Variants in ACOD1 observed in about 807,000 individuals in gnomAD.
The protein encoded by ACOD1 is aconitate decarboxylase 1, also known as cis-aconitate decarboxylase.
ACOD1 carries 14 observed loss-of-function variants against 14.2 expected under a neutral mutation model. The observed-to-expected ratio is 0.99, with a 90% CI of 0.65 to 1.54. The LOEUF (loss-of-function observed/expected upper bound fraction) is 1.54. Among genes scored for constraint, ACOD1 ranks in the 40% most tolerant of loss-of-function variants. The probability of loss-of-function intolerance (pLI) is 0.00; values close to 1 mark genes in which losing one functional copy is unlikely to be tolerated. For missense variants in ACOD1, 530 were observed against 586.3 expected, an observed-to-expected ratio of 0.90 and a Z score of 0.99; for synonymous variants, 182 against 221.7, an observed-to-expected ratio of 0.82 and a Z score of 1.59.
rs140596263 is a variant in ACOD1 at position 76,955,316 on chromosome 13, C to T, written c.265-3C>T. Reference sequence around the variant, plus strand: ...TTGTTGCTGTTTGTGTCTGTTTATACAGATTCACTCCATGGATTTTGATGA... The same window carrying T: ...TTGTTGCTGTTTGTGTCTGTTTATATAGATTCACTCCATGGATTTTGATGA... On this transcript the variant is annotated splice_polypyrimidine_tract_variant and splice_region_variant and intron_variant, in intron 3 of 4. Transcript: ENST00000377462. The T allele has an allele frequency of 9.6e-4, 1,493 of 1,549,712 alleles. 16 individuals carry two copies. In the African/African-American group the frequency reaches 0.018, roughly 19 times the overall value.
chr13:76,949,148 T>A (rs1167875072), intron 1 of ACOD1, among the ~76,000 whole-genome samples: 1 of 152,042 alleles, frequency 6.6e-6, no homozygotes, highest in Non-Finnish European at 1.5e-5. Context: ...GCGCCCGTAG[T>A]CCCAGCTACT....
At chr13:76,955,024 G>A (rs540254412) in intron 3 of ACOD1, among the ~76,000 whole-genome samples, 1 of 151,254 alleles carries the variant, frequency 6.6e-6, no homozygotes, top group South Asian at 2.1e-4. Flanking sequence ...CTGCTCCAGA[G>A]GCTGAGGCAG....
In ACOD1 at chr13:76,957,335, C is replaced by A; in HGVS notation, c.796C>A (p.Gln266Lys). ...AGCTTCCTACAGTTGGCTGCTGGAC[C>A]AGCAGGACGTGGCCTTTAAGCGTTT... ...SIASYSWLLD[Q>K]QDVAFKRFPA... The change falls in exon 5 of 5, where the codon CAG (glutamine) becomes AAG (lysine). Residue 266 changes from glutamine (Q) to lysine (K), a missense_variant. Gln to Lys is a moderately conservative substitution (Grantham distance 53). Transcript: ENST00000377462. 6.4e-7 allele frequency: 1 copy of A among 1,550,650 alleles called. No homozygotes were observed. Among genetic ancestry groups the A allele is most frequent in the South Asian group, 1.2e-5 (1 of 84,064 alleles).
At position 76,953,681 on chromosome 13, in the gene ACOD1, G is replaced by A. The variant is rs575883734; in HGVS notation, c.256G>A (p.Gly86Ser). 256 of 1,541,120 alleles carry A rather than the reference G, an allele frequency of 1.7e-4. No individual in the cohort carries two copies. The African/African-American group carries it at 2.9e-3, about 18-fold the overall frequency. Residue 86 changes from glycine to serine, a missense_variant, in exon 3 of 5, where the codon GGT becomes AGT. By Grantham distance (56) the Gly-to-Ser change is moderately conservative. Coordinates refer to ENST00000377462, the MANE Select transcript of ACOD1 (RefSeq NM_001258406.2). ...GCCCACATATGCTGCTTTTGTGAAC[G>A]GTGTGGCTGTAAGGAGGTTTTCACG... ...LPPTYAAFVN[G>S]VAIHSMDFDD...
At position 76,952,245 on chromosome 13, in the gene ACOD1, C is replaced by G. The variant is rs146834280; in HGVS notation, c.13-244C>G. 2.7e-3 allele frequency among the ~76,000 whole-genome samples: 406 copies of G among 152,206 alleles called. 3 individuals carry two copies. The highest frequency in any genetic ancestry group is 9.0e-3 in the African/African-American group (373 of 41,520). Reference sequence around the variant, plus strand: ...AATGCTGTGTCCTGTGCTTGCTATGCTGCCCCTCAACTCAACTGAGAAGAT... The same window carrying G: ...AATGCTGTGTCCTGTGCTTGCTATGGTGCCCCTCAACTCAACTGAGAAGAT... On this transcript the variant is annotated intron_variant, in intron 1 of 4. Coordinates refer to ENST00000377462, the MANE Select transcript of ACOD1 (RefSeq NM_001258406.2).
chr13:76,955,400 G>C lies in ACOD1; in HGVS notation c.346G>C (p.Ala116Pro), dbSNP rs1593891305. Reference protein sequence around the residue: ...GAVLPVLTALAEALPRSPKFS... With the variant: ...GAVLPVLTALPEALPRSPKFS... ...TGTCCTTCCTGTCCTCACAGCTTTAGCAGAAGCCCTGCCAAGGAGTCCAAA... is the reference window on the plus strand; with the variant it reads ...TGTCCTTCCTGTCCTCACAGCTTTACCAGAAGCCCTGCCAAGGAGTCCAAA... The change falls in exon 4 of 5, where the codon GCA becomes CCA. Residue 116 changes from alanine (A) to proline (P), a missense_variant. Ala to Pro is a conservative substitution (Grantham distance 27, BLOSUM62 -1). Coordinates refer to ENST00000377462, the MANE Select transcript of ACOD1 (RefSeq NM_001258406.2). The C allele has an allele frequency of 6.4e-7, 1 of 1,550,502 alleles. No individual in the cohort carries two copies. The highest frequency in any genetic ancestry group is 1.4e-5 in the African/African-American group (1 of 73,056).
rs2033882351 is a variant in ACOD1, at chr13:76,956,950, T to C, written c.471-60T>C. 8 of 1,481,832 alleles carry C rather than the reference T, an allele frequency of 5.4e-6. No individual in the cohort carries two copies. The South Asian group carries it at 9.7e-5, about 18-fold the overall frequency. 91.8% of individuals were successfully genotyped at this position (1,481,832 alleles called of 1,614,324 possible). On this transcript the variant is annotated intron_variant, in intron 4 of 4. Transcript: ENST00000377462. The stretch of plus-strand genomic sequence containing the variant: ...TTATCAATGTTCTTGATGACTACGC[T>C]ATCCTGCCTCCTGGTGGTTACGGTT...
chr13:76,957,471 T>C lies in ACOD1; in HGVS notation c.932T>C (p.Leu311Pro). The change falls in exon 5 of 5, where the codon CTC becomes CCC. Residue 311 changes from leucine (L) to proline (P), a missense_variant. By Grantham distance (98) the Leu-to-Pro change is moderately conservative. Coordinates refer to ENST00000377462, the MANE Select transcript of ACOD1 (RefSeq NM_001258406.2). ...LPTDYIKRIVLRIPNVQYVNR... is the reference protein window; with the variant it reads ...LPTDYIKRIVPRIPNVQYVNR... ...ACTGACTACATTAAGAGAATTGTGC[T>C]CAGGATACCAAATGTCCAGTATGTA... 6.4e-7 allele frequency: 1 copy of C among 1,550,644 alleles called. No homozygotes were observed. The highest frequency in any genetic ancestry group is 8.7e-7 in the Non-Finnish European group (1 of 1,146,998).
intron 1 of ACOD1, among the ~76,000 whole-genome samples, chr13:76,951,964 C>G (rs911254841): frequency 6.6e-6 from 1 of 152,170 alleles, no homozygotes; most frequent in Non-Finnish European, 1.5e-5. Flanking sequence ...GTTCAGATTC[C>G]ACCACCTAAA....
At chr13:76,950,053 C>T (rs1464096777) in intron 1 of ACOD1, among the ~76,000 whole-genome samples, 1 of 152,036 alleles carries the variant, frequency 6.6e-6, no homozygotes, top group Non-Finnish European at 1.5e-5. Flanking sequence ...GCAAGTGTTC[C>T]TTGACTTGAT....
In ACOD1 at chr13:76,952,322, C is replaced by T. The variant is rs541286672; in HGVS notation, c.13-167C>T. Among the ~76,000 whole-genome samples the T allele has an allele frequency of 2.0e-5, 3 of 152,228 alleles. 1 individual carries two copies. In the South Asian group the frequency reaches 6.2e-4, roughly 32 times the overall value. On this transcript the variant is annotated intron_variant, in intron 1 of 4. Coordinates refer to ENST00000377462, the MANE Select transcript of ACOD1 (RefSeq NM_001258406.2). ...TACTCTGCCTCACACATAGTAGGTG[C>T]TTAGTACACATCTTTTTTTTTTTAG...
intron 4 of ACOD1, among the ~76,000 whole-genome samples, chr13:76,956,424 G>A (rs1036936316): frequency 6.6e-6 from 1 of 151,902 alleles, no homozygotes; most frequent in African/African-American, 2.4e-5. Flanking sequence ...ATGGTCTCGA[G>A]CTCTTGACCT....
chr13:76,953,987 C>A (rs953151807), intron 3 of ACOD1, among the ~76,000 whole-genome samples: 1 of 152,116 alleles, frequency 6.6e-6, no homozygotes, highest in Non-Finnish European at 1.5e-5. Flanking sequence ...AAATATAAAA[C>A]CCATATCCAG....
In ACOD1 at chr13:76,957,277, T is replaced by C. The variant is rs2033887290; in HGVS notation, c.738T>C (p.Tyr246=). 1 of 1,550,528 alleles carries C rather than the reference T, an allele frequency of 6.4e-7. No individual in the cohort carries two copies. The highest frequency in any genetic ancestry group is 1.2e-5 in the South Asian group (1 of 84,072). Residue 246 remains tyrosine, a synonymous_variant, in exon 5 of 5, where the codon TAT becomes TAC. Coordinates refer to ENST00000377462, the MANE Select transcript of ACOD1 (RefSeq NM_001258406.2). ...TGGAGGCAGGATTTGGGGCCTTTTA[T>C]GCCAACTATTCCCCAAAAGTCCTTC... The part of the protein sequence containing the change: ...LDLEAGFGAF[Y]ANYSPKVLPS...
chr13:76,957,741 G>T lies in ACOD1; in HGVS notation c.1202G>T (p.Arg401Leu). ...AAGGATGGAGCCACCTTCACAGATC[G>T]CTCTGATACCTTCTATGGGCACTGG... is the stretch of plus-strand genomic sequence containing the variant. ...TLKDGATFTDRSDTFYGHWRK... is the reference protein window; with the variant it reads ...TLKDGATFTDLSDTFYGHWRK... Residue 401 changes from arginine (R) to leucine (L), a missense_variant, in exon 5 of 5, where the codon CGC becomes CTC. Coordinates refer to ENST00000377462, the MANE Select transcript of ACOD1 (RefSeq NM_001258406.2). 6.4e-7 allele frequency: 1 copy of T among 1,550,668 alleles called. No homozygotes were observed. The highest frequency in any genetic ancestry group is 8.7e-7 in the Non-Finnish European group (1 of 1,147,006).
At chr13:76,953,211 C>T (rs369014730) in intron 2 of ACOD1, among the ~76,000 whole-genome samples, 2 of 152,156 alleles carry the variant, frequency 1.3e-5, no homozygotes, top group East Asian at 3.8e-4. Context: ...TTATTATTCT[C>T]TGGAGAAAAG....
At chr13:76,952,242 A>G (rs988651458) in intron 1 of ACOD1, among the ~76,000 whole-genome samples, 1 of 151,890 alleles carries the variant, frequency 6.6e-6, no homozygotes, top group African/African-American at 2.4e-5. Context: ...TGTGCTTGCT[A>G]TGCTGCCCCT....
At chr13:76,949,446 T>C (rs1162012382) in intron 1 of ACOD1, among the ~76,000 whole-genome samples, 1 of 152,130 alleles carries the variant, frequency 6.6e-6, no homozygotes, top group Non-Finnish European at 1.5e-5. Flanking sequence ...GTGTGTTTAT[T>C]CCCCTCACGT....
chr13:76,958,323 C>T lies in ACOD1; in HGVS notation c.*338C>T. The T allele has an allele frequency of 4.8e-6, 1 of 208,030 alleles. No homozygotes were observed. Among genetic ancestry groups the T allele is most frequent in the South Asian group, 9.3e-5 (1 of 10,716 alleles). The allele number at this position is 208,030 out of a possible 1,614,324, so 12.9% of individuals were successfully genotyped here. A position where few individuals can be genotyped will look rare whatever the true frequency, so the allele number is the denominator to read the frequency against. The stretch of plus-strand genomic sequence containing the variant: ...AAGGTTTTAGAGGGATGTGAACCTG[C>T]ATGTATATTTTCTGACAGTGGAGAG... On this transcript the variant is annotated 3_prime_UTR_variant, in exon 5 of 5. Coordinates refer to ENST00000377462, the MANE Select transcript of ACOD1 (RefSeq NM_001258406.2).
Sources: allele counts gnomAD v4.1 joint callset (sites outside exome capture counted in the v4.1 genomes callset), GRCh38; gene constraint gnomAD v4.1.1; transcripts MANE v1.5; gene names NCBI Gene and HGNC (gene_info 2026-07-23, HGNC 2026-07-21).